Variants in GPC6 observed in about 807,000 individuals in gnomAD.
The protein encoded by GPC6 is glypican 6.
Under a neutral mutation model 55.2 loss-of-function variants are expected in GPC6, and 14 were observed. That is an observed-to-expected ratio of 0.25 (90% confidence interval 0.17 to 0.40). The LOEUF (loss-of-function observed/expected upper bound fraction) is 0.40, where lower values mean the gene tolerates loss of function less well. GPC6 is among the 10% of genes least tolerant of loss of function. The pLI is 1.00. For missense variants in GPC6, 641 were observed against 708.5 expected, an observed-to-expected ratio of 0.90 and a Z score of 1.08; for synonymous variants, 278 against 259.6, an observed-to-expected ratio of 1.07 and a Z score of -0.68.
chr13:93,676,121 AAAAAAATATATATATATATATAT>A (rs1469051060), intron 2 of GPC6, among the ~76,000 whole-genome samples: 2 of 11,982 alleles, frequency 1.7e-4, no homozygotes, highest in Admixed American at 9.4e-4. Flanking sequence ...AAAAAAAAAA[AAAAAAATATATATATATATATAT>A]ATATATATAT....
chr13:93,698,559 T>C (rs990594305), intron 2 of GPC6, among the ~76,000 whole-genome samples: 4 of 150,084 alleles, frequency 2.7e-5, no homozygotes, highest in Admixed American at 1.3e-4. Context: ...TTCCTTTTAT[T>C]AGTTAGATTA....
intron 3 of GPC6, among the ~76,000 whole-genome samples, chr13:93,836,299 C>T (rs73551748): frequency 0.037 from 5,639 of 152,226 alleles, 136 homozygotes; most frequent in South Asian, 0.065. Context: ...AAGAATTTAC[C>T]ATGGATTCAA....
intron 2 of GPC6, among the ~76,000 whole-genome samples, chr13:93,697,276 A>C (rs1882494071): frequency 6.6e-6 from 1 of 152,120 alleles, no homozygotes; most frequent in African/African-American, 2.4e-5. Context: ...TGGTCATTGG[A>C]TGCATTGCTA....
chr13:93,319,120 A>G lies in GPC6; in HGVS notation c.160+91504A>G, dbSNP rs151136424. Among the ~76,000 whole-genome samples the G allele has an allele frequency of 7.2e-4, 109 of 152,284 alleles. 1 individual carries two copies. Among genetic ancestry groups the G allele is most frequent in the African/African-American group, 2.6e-3 (106 of 41,548 alleles). ...CATGCATCTCTACACAGATTAGTGA[A>G]AGCTAATTTTCTGGAGAAACTGGCT... is the stretch of plus-strand genomic sequence containing the variant. On this transcript the variant is annotated intron_variant, in intron 1 of 8. Coordinates refer to ENST00000377047, the MANE Select transcript of GPC6 (RefSeq NM_005708.5).
chr13:93,708,030 C>G (rs1012465006), intron 2 of GPC6, among the ~76,000 whole-genome samples: 1 of 151,774 alleles, frequency 6.6e-6, no homozygotes, highest in African/African-American at 2.4e-5. Flanking sequence ...ATCTCAATAT[C>G]ATACAGAAAT....
chr13:93,704,304 C>G (rs1882771657), intron 2 of GPC6, among the ~76,000 whole-genome samples: 1 of 151,778 alleles, frequency 6.6e-6, no homozygotes, highest in Non-Finnish European at 1.5e-5. Flanking sequence ...ATTTATTCTG[C>G]AAATAAGCCC....
At chr13:94,361,916 AG>A (rs1261803080) in intron 6 of GPC6, among the ~76,000 whole-genome samples, 1 of 152,264 alleles carries the variant, frequency 6.6e-6, no homozygotes, top group African/African-American at 2.4e-5. Flanking sequence ...TTCAAGGGAA[AG>A]GAAATAAATG....
intron 4 of GPC6, among the ~76,000 whole-genome samples, chr13:94,133,267 C>CAAAAAAAAAAAAAAA (rs66499161): frequency 1.2e-5 from 1 of 85,100 alleles, no homozygotes; most frequent in African/African-American, 5.0e-5. Flanking sequence ...TGACCAGTGA[C>CAAAAAAAAAAAAAAA]AAAAAAAAAA....
Position 94,000,059 on chromosome 13 carries a change from C to T in GPC6, c.712-27670C>T, listed in dbSNP as rs984625226. On this transcript the variant is annotated intron_variant, in intron 3 of 8. Transcript: ENST00000377047. ...GAGTACTTGCTCTGCAATGATTTTG[C>T]GTGGATATTTTATACTTCCCTGTGT... 2.6e-5 allele frequency among the ~76,000 whole-genome samples: 4 copies of T among 152,082 alleles called. No homozygotes were observed. In the South Asian group the frequency reaches 6.2e-4, roughly 24 times the overall value.
rs190949185 is a variant in GPC6 at position 93,852,922 on chromosome 13, C to T, written c.711+22377C>T. ...TTATTTTGTACAAAAATTTATGTTC[C>T]TCATCTTAGTATTTAATCAGTATTT... On this transcript the variant is annotated intron_variant, in intron 3 of 8. Coordinates refer to ENST00000377047, the MANE Select transcript of GPC6 (RefSeq NM_005708.5). Among the ~76,000 whole-genome samples, 394 of 151,650 alleles carry T rather than the reference C, an allele frequency of 2.6e-3. 1 individual carries two copies. The highest frequency in any genetic ancestry group is 3.8e-3 in the Non-Finnish European group (254 of 67,684).
At chr13:93,422,330 T>C (rs1876952538) in intron 1 of GPC6, among the ~76,000 whole-genome samples, 1 of 152,246 alleles carries the variant, frequency 6.6e-6, no homozygotes, top group Non-Finnish European at 1.5e-5. Context: ...AGTGAGATTT[T>C]CTGTCTTTAA....
chr13:93,280,136 G>T (rs1291529172), intron 1 of GPC6, among the ~76,000 whole-genome samples: 1 of 152,116 alleles, frequency 6.6e-6, no homozygotes, highest in African/African-American at 2.4e-5. Context: ...TCTGCACATG[G>T]TTATCTCCTC....
intron 6 of GPC6, among the ~76,000 whole-genome samples, chr13:94,372,952 A>G (rs1335619791): frequency 6.6e-6 from 1 of 152,216 alleles, no homozygotes; most frequent in African/African-American, 2.4e-5. Flanking sequence ...CAGCAGGAGC[A>G]CACTGACACC....
chr13:94,241,108 G>A (rs1321967960), intron 4 of GPC6, among the ~76,000 whole-genome samples: 1 of 152,132 alleles, frequency 6.6e-6, no homozygotes, highest in Non-Finnish European at 1.5e-5. Context: ...GGATGGCACT[G>A]GTGTCCTTAA....
chr13:94,018,292 C>CA (rs554009257), intron 3 of GPC6, among the ~76,000 whole-genome samples: 1 of 143,794 alleles, frequency 7.0e-6, no homozygotes, highest in African/African-American at 2.5e-5. Context: ...TAGTATAATC[C>CA]TTTTTTTTTT....
chr13:93,675,312 G>A (rs1267181715), intron 2 of GPC6, among the ~76,000 whole-genome samples: 1 of 151,588 alleles, frequency 6.6e-6, no homozygotes, highest in Non-Finnish European at 1.5e-5. Context: ...GGCGAATGAA[G>A]AGTGTTTTTT....
chr13:93,994,421 T>C (rs947324891), intron 3 of GPC6, among the ~76,000 whole-genome samples: 37 of 152,240 alleles, frequency 2.4e-4, no homozygotes, highest in African/African-American at 8.4e-4. Context: ...ACATTGTGGA[T>C]TGGTTATTTG....
At chr13:93,580,258 A>T (rs1876872124) in intron 2 of GPC6, among the ~76,000 whole-genome samples, 1 of 152,208 alleles carries the variant, frequency 6.6e-6, no homozygotes, top group African/African-American at 2.4e-5. Flanking sequence ...TACTAATCTC[A>T]TTCATGAGGG....
intron 2 of GPC6, among the ~76,000 whole-genome samples, chr13:93,697,723 G>A (rs965591709): frequency 1.3e-5 from 2 of 152,090 alleles, no homozygotes; most frequent in African/African-American, 2.4e-5. Context: ...ATCATAAATT[G>A]CAGAGTCCTT....
Sources: gnomAD v4.1 joint callset for allele counts (sites outside exome capture counted in the v4.1 genomes callset) on GRCh38, gnomAD v4.1.1 for gene constraint, MANE v1.5 for transcripts, NCBI Gene and HGNC (gene_info 2026-07-23, HGNC 2026-07-21) for gene names.